VWA8: variants seen among roughly 807,000 people sequenced by gnomAD.
The protein encoded by VWA8 is von Willebrand factor A domain-containing protein 8.
VWA8 carries 221 observed loss-of-function variants against 241.5 expected under a neutral mutation model. That is an observed-to-expected ratio of 0.91 (90% confidence interval 0.82 to 1.02). The LOEUF (loss-of-function observed/expected upper bound fraction) is 1.02, where lower values mean the gene tolerates loss of function less well. Among genes scored for constraint, VWA8 ranks in the 50% least tolerant of loss-of-function variants. VWA8 has a pLI of 0.00. For missense variants in VWA8, 2,322 were observed against 2,328.7 expected, an observed-to-expected ratio of 1.00 and a Z score of 0.06; for synonymous variants, 852 against 827.1, an observed-to-expected ratio of 1.03 and a Z score of -0.52.
intron 20 of VWA8, among the ~76,000 whole-genome samples, chr13:41,763,032 C>T (rs2045752072): frequency 6.6e-6 from 1 of 151,964 alleles, no homozygotes; most frequent in South Asian, 2.1e-4. Context: ...ATTTGGGTGG[C>T]TTAAGTGGGA....
At position 41,568,249 on chromosome 13, in the gene VWA8, A is replaced by C. The variant is rs1232736297; in HGVS notation, c.5666T>G (p.Ile1889Ser). 4 of 1,614,102 alleles carry C rather than the reference A, an allele frequency of 2.5e-6. No individual in the cohort carries two copies. The highest frequency in any genetic ancestry group is 2.2e-5 in the South Asian group (2 of 91,064). The part of the protein sequence containing the change: ...RSFVAMDTKD[I>S]PQILQQIFTS... The stretch of plus-strand genomic sequence containing the variant: ...GAAGATCTGTTGTAAAATCTGAGGG[A>C]TATCCTTGGTATCCATGGCAACGAA... Residue 1889 changes from isoleucine (I) to serine (S), a missense_variant, in exon 45 of 45, where the codon ATC (isoleucine) becomes AGC (serine). Physicochemically the swap from Ile to Ser is moderately radical, Grantham distance 142. Transcript: ENST00000379310.
At chr13:41,569,183 C>G (rs1177011022) in intron 44 of VWA8, among the ~76,000 whole-genome samples, 1 of 152,190 alleles carries the variant, frequency 6.6e-6, no homozygotes, top group Non-Finnish European at 1.5e-5. Flanking sequence ...TGCAACATAT[C>G]TTTTGCCAGT....
chr13:41,709,860 C>T (rs2045305538), intron 26 of VWA8, among the ~76,000 whole-genome samples: 1 of 151,484 alleles, frequency 6.6e-6, no homozygotes, highest in South Asian at 2.1e-4. Flanking sequence ...TTGTGCTCCA[C>T]AGCCTTGAAC....
At chr13:41,590,357 C>T (rs369230189) in intron 41 of VWA8, among the ~76,000 whole-genome samples, 68 of 152,178 alleles carry the variant, frequency 4.5e-4, no homozygotes, top group African/African-American at 1.5e-3. Context: ...TTTTCCTAAA[C>T]CCCACCCTTA....
At chr13:41,662,706 T>TTAA (rs1468217432) in intron 37 of VWA8, among the ~76,000 whole-genome samples, 1 of 152,128 alleles carries the variant, frequency 6.6e-6, no homozygotes, top group Non-Finnish European at 1.5e-5. Flanking sequence ...ATTATGATTA[T>TTAA]ACTTTAAGTT....
intron 37 of VWA8, among the ~76,000 whole-genome samples, chr13:41,628,957 C>G (rs553468539): frequency 6.6e-6 from 1 of 152,256 alleles, no homozygotes; most frequent in South Asian, 2.1e-4. Flanking sequence ...AGGAGAATCA[C>G]TTGAACCCAG....
chr13:41,904,650 T>G (rs1035410337), intron 4 of VWA8, among the ~76,000 whole-genome samples: 1 of 152,204 alleles, frequency 6.6e-6, no homozygotes, highest in Non-Finnish European at 1.5e-5. Flanking sequence ...ATTTTAAATT[T>G]TATTATTTGT....
chr13:41,690,368 T>A, intron 32 of VWA8, 93 bp from the exon 33 acceptor site: 10 of 1,025,880 alleles, frequency 9.7e-6, no homozygotes, highest in Non-Finnish European at 1.4e-5. Flanking sequence ...CTCCTCAGTC[T>A]CTTTTTTATA....
chr13:41,823,546 C>A (rs1342071239), intron 14 of VWA8, among the ~76,000 whole-genome samples: 1 of 152,148 alleles, frequency 6.6e-6, no homozygotes, highest in East Asian at 1.9e-4. Context: ...AGTATTTATA[C>A]TCCCCCTTTC....
intron 2 of VWA8, among the ~76,000 whole-genome samples, chr13:41,934,845 T>TGTAA (rs1188899993): frequency 1.3e-5 from 2 of 152,062 alleles, no homozygotes; most frequent in Non-Finnish European, 2.9e-5. Context: ...CCTGGTTATA[T>TGTAA]ACATATGTAA....
intron 35 of VWA8, among the ~76,000 whole-genome samples, chr13:41,683,491 T>C (rs2045114609): frequency 6.6e-6 from 1 of 152,178 alleles, no homozygotes; most frequent in Non-Finnish European, 1.5e-5. Flanking sequence ...TTTGGGGTGA[T>C]GAAACTCTTC....
chr13:41,566,881 G>A lies in VWA8; in HGVS notation c.*1316C>T, dbSNP rs1195321719. 3 of 152,188 alleles carry A rather than the reference G, an allele frequency of 2.0e-5. No homozygotes were observed. The highest frequency in any genetic ancestry group is 2.9e-5 in the Non-Finnish European group (2 of 68,026). 9.4% of individuals were successfully genotyped at this position (152,188 alleles called of 1,614,324 possible). On this transcript the variant is annotated 3_prime_UTR_variant, in exon 45 of 45. Transcript: ENST00000379310. ...TTTATTTATTTGATAGTTAATGATAGGGAGAGGGGTGATAGAACAAATGGG... is the reference window on the plus strand; with the variant it reads ...TTTATTTATTTGATAGTTAATGATAAGGAGAGGGGTGATAGAACAAATGGG...
Position 41,729,647 on chromosome 13 carries a change from C to G in VWA8, c.2533G>C (p.Val845Leu). Residue 845 changes from valine (V) to leucine (L), a missense_variant, in exon 23 of 45, where the codon GTA (valine) becomes CTA (leucine). Physicochemically the swap from Val to Leu is conservative, Grantham distance 32. Transcript: ENST00000379310. The stretch of plus-strand genomic sequence containing the variant: ...GGAGCTTTGTCAGCCTCATCTACTA[C>G]CAGAATATGACCCAACTTTACTGCT... ...VKAVKLGHILVVDEADKAPTN... is the reference protein window; with the variant it reads ...VKAVKLGHILLVDEADKAPTN... 3 of 1,612,610 alleles carry G rather than the reference C, an allele frequency of 1.9e-6. No individual in the cohort carries two copies. The highest frequency in any genetic ancestry group is 2.5e-6 in the Non-Finnish European group (3 of 1,179,262).
At chr13:41,762,593 GA>G (rs1232630737) in intron 20 of VWA8, among the ~76,000 whole-genome samples, 2 of 152,116 alleles carry the variant, frequency 1.3e-5, no homozygotes, top group Non-Finnish European at 2.9e-5. Flanking sequence ...CCATCCTAAA[GA>G]AATAATTAGG....
intron 26 of VWA8, among the ~76,000 whole-genome samples, chr13:41,709,876 G>A (rs1292282602): frequency 1.3e-5 from 2 of 151,520 alleles, no homozygotes; most frequent in African/African-American, 2.4e-5. Context: ...TGAACTTATG[G>A]GCTCAAGGAA....
chr13:41,921,651 G>C (rs1311808757), intron 2 of VWA8, among the ~76,000 whole-genome samples: 1 of 151,640 alleles, frequency 6.6e-6, no homozygotes, highest in Non-Finnish European at 1.5e-5. Flanking sequence ...ATAACAGACA[G>C]AGAACCAAAT....
intron 16 of VWA8, among the ~76,000 whole-genome samples, chr13:41,813,467 C>A (rs1039624797): frequency 1.3e-5 from 2 of 151,990 alleles, no homozygotes; most frequent in Admixed American, 1.3e-4. Context: ...ATTTTTAATA[C>A]CTAGGACCAT....
intron 18 of VWA8, among the ~76,000 whole-genome samples, chr13:41,784,763 C>CACACATATATATATATATATATATATAT (rs1869107808): frequency 2.0e-5 from 1 of 50,558 alleles, no homozygotes; most frequent in African/African-American, 5.6e-5. Flanking sequence ...TATATATATA[C>CACACATATATATATATATATATATATAT]ACACACACAC....
intron 43 of VWA8, among the ~76,000 whole-genome samples, chr13:41,574,174 T>TAAAAAA (rs59813167): frequency 7.3e-6 from 1 of 137,242 alleles, no homozygotes; most frequent in Non-Finnish European, 1.6e-5. Context: ...AAGTTTTCTG[T>TAAAAAA]AAAAAAAAAA....
Sources: gnomAD v4.1 joint callset for allele counts (sites outside exome capture counted in the v4.1 genomes callset) on GRCh38, gnomAD v4.1.1 for gene constraint, MANE v1.5 for transcripts, NCBI Gene and HGNC (gene_info 2026-07-23, HGNC 2026-07-21) for gene names.